The following PLPP3 variants were observed in gnomAD, a reference collection of about 807,000 sequenced individuals.
PLPP3 encodes PAP2 beta.
PLPP3 carries 6 observed loss-of-function variants against 29.6 expected under a neutral mutation model. That is an observed-to-expected ratio of 0.20 (90% CI 0.11 to 0.40). The LOEUF is 0.40. Among genes scored for constraint, PLPP3 ranks in the 10% least tolerant of loss-of-function variants. PLPP3 has a pLI of 1.00. For synonymous variants in PLPP3, 152 were observed against 159.7 expected (o/e 0.95, Z 0.36); for missense variants, 308 against 407.7 (o/e 0.76, Z 2.11).
At chr1:56,501,500 T>G (rs1200712878) in intron 5 of PLPP3, among the ~76,000 whole-genome samples, 1 of 152,144 alleles carries the variant, frequency 6.6e-6, no homozygotes, top group East Asian at 1.9e-4. Context: ...CTTTAAGCAG[T>G]CATGTCCCAT....
At chr1:56,570,226 A>C (rs1172452303) in intron 1 of PLPP3, among the ~76,000 whole-genome samples, 5 of 152,238 alleles carry the variant, frequency 3.3e-5, no homozygotes, top group Admixed American at 3.3e-4. Flanking sequence ...TGGGGGCCAG[A>C]TATAAAGAAA....
intron 1 of PLPP3, among the ~76,000 whole-genome samples, chr1:56,571,893 C>T (rs982877188): frequency 6.6e-5 from 10 of 152,108 alleles, no homozygotes; most frequent in African/African-American, 1.7e-4. Flanking sequence ...CTCTGAGCTA[C>T]AGTTCCCTCT....
At chr1:56,517,196 T>C (rs1410365726) in intron 4 of PLPP3, among the ~76,000 whole-genome samples, 1 of 152,212 alleles carries the variant, frequency 6.6e-6, no homozygotes, top group Non-Finnish European at 1.5e-5. Context: ...CTGCCTACCC[T>C]CTTCCTGGAA....
chr1:56,549,712 G>T (rs750511306), intron 1 of PLPP3, among the ~76,000 whole-genome samples: 1 of 152,180 alleles, frequency 6.6e-6, no homozygotes, highest in Admixed American at 6.5e-5. Flanking sequence ...CAGACTGGCT[G>T]AGTAGAGACC....
At chr1:56,561,149 G>A (rs1646125433) in intron 1 of PLPP3, among the ~76,000 whole-genome samples, 1 of 151,560 alleles carries the variant, frequency 6.6e-6, no homozygotes, top group Non-Finnish European at 1.5e-5. Flanking sequence ...ACCCGGCCCA[G>A]AGCCCTCTTT....
At chr1:56,527,927 A>G (rs1645862389) in intron 2 of PLPP3, among the ~76,000 whole-genome samples, 2 of 151,974 alleles carry the variant, frequency 1.3e-5, no homozygotes, top group South Asian at 4.1e-4. Flanking sequence ...ATTACTCACA[A>G]TGTTTTTATT....
rs1020228296 is a variant in PLPP3, at chr1:56,555,803, T to G, written c.140-18691A>C. Reference sequence around the variant, plus strand: ...GGGATTACAGGTGTGAGCCACATATTTTAAATTCAATAAAAAGTTTTAGGT... The same window carrying G: ...GGGATTACAGGTGTGAGCCACATATGTTAAATTCAATAAAAAGTTTTAGGT... On this transcript the variant is annotated intron_variant, in intron 1 of 5. Coordinates refer to ENST00000371250, the MANE Select transcript of PLPP3 (RefSeq NM_003713.5). Among the ~76,000 whole-genome samples, 7 of 152,160 alleles carry G rather than the reference T, an allele frequency of 4.6e-5. 1 individual carries two copies. The highest frequency in any genetic ancestry group is 1.5e-5 in the Non-Finnish European group (1 of 68,038).
intron 2 of PLPP3, among the ~76,000 whole-genome samples, chr1:56,536,605 A>C: frequency 6.6e-6 from 1 of 152,208 alleles, no homozygotes; most frequent in East Asian, 1.9e-4. Context: ...AAGATAAGCT[A>C]ACTGCCTATC....
At chr1:56,504,471 C>T (rs578246830) in intron 5 of PLPP3, among the ~76,000 whole-genome samples, 1 of 152,118 alleles carries the variant, frequency 6.6e-6, no homozygotes, top group African/African-American at 2.4e-5. Context: ...AGCTTAGGAA[C>T]ATAGTACCCA....
chr1:56,565,688 T>C (rs1044818708), intron 1 of PLPP3, among the ~76,000 whole-genome samples: 6 of 152,188 alleles, frequency 3.9e-5, no homozygotes, highest in African/African-American at 1.4e-4. Flanking sequence ...CCCAAAGTGC[T>C]GGGATTACAG....
chr1:56,543,252 TA>T lies in PLPP3; in HGVS notation c.140-6141del, dbSNP rs1265464319. Among the ~76,000 whole-genome samples the T allele has an allele frequency of 2.6e-5, 4 of 152,296 alleles. No individual in the cohort carries two copies. The East Asian group carries it at 7.7e-4, about 29-fold the overall frequency. ...TTTAGACTTTAGGAATTGATTAATT[TA>T]ATCTCCACGATAGCTATGAAACGTT... On this transcript the variant is annotated intron_variant, in intron 1 of 5. Transcript: ENST00000371250.
intron 2 of PLPP3, among the ~76,000 whole-genome samples, chr1:56,527,412 T>G (rs986355474): frequency 1.3e-5 from 2 of 152,176 alleles, no homozygotes; most frequent in African/African-American, 4.8e-5. Context: ...TTCTGAAGGA[T>G]TTGAGGCCAG....
chr1:56,565,257 G>T (rs1646153761), intron 1 of PLPP3, among the ~76,000 whole-genome samples: 1 of 152,206 alleles, frequency 6.6e-6, no homozygotes, highest in South Asian at 2.1e-4. Context: ...TGAAGGAGCT[G>T]CATCCGCAGC....
At chr1:56,538,013 C>T (rs552683701) in intron 1 of PLPP3, among the ~76,000 whole-genome samples, 1 of 152,306 alleles carries the variant, frequency 6.6e-6, no homozygotes, top group East Asian at 1.9e-4. Flanking sequence ...CTGGATGCTA[C>T]AAGAGCCTCC....
chr1:56,540,495 G>A (rs1468235432), intron 1 of PLPP3, among the ~76,000 whole-genome samples: 1 of 152,128 alleles, frequency 6.6e-6, no homozygotes, highest in Non-Finnish European at 1.5e-5. Flanking sequence ...TCAGTCCTTT[G>A]CCCACTTTTA....
chr1:56,556,982 GAA>G lies in PLPP3; in HGVS notation c.140-19872_140-19871del, dbSNP rs1292392860. Among the ~76,000 whole-genome samples, 21 of 5,706 alleles carry G rather than the reference GAA, an allele frequency of 3.7e-3. 1 individual carries two copies. The highest frequency in any genetic ancestry group is 0.026 in the East Asian group (10 of 384). 3.7% of individuals were successfully genotyped at this position (5,706 alleles called of 152,430 possible). On this transcript the variant is annotated intron_variant, in intron 1 of 5. Transcript: ENST00000371250. ...AGAAAGAAAGAAAGAAAGAAAGAAA[GAA>G]AGAAAGAAAGAAAGAAAGAAAGAAA...
chr1:56,548,639 A>G (rs1379822014), intron 1 of PLPP3, among the ~76,000 whole-genome samples: 2 of 152,188 alleles, frequency 1.3e-5, no homozygotes, highest in Admixed American at 1.3e-4. Flanking sequence ...ACAGAAGTTA[A>G]TAAGATGTGG....
intron 4 of PLPP3, among the ~76,000 whole-genome samples, chr1:56,514,033 G>C (rs1023014703): frequency 8.6e-5 from 13 of 150,376 alleles, no homozygotes; most frequent in African/African-American, 2.9e-4. Flanking sequence ...GTGGTACTAG[G>C]CAAAATAAAT....
chr1:56,518,839 T>G (rs1205678790), intron 4 of PLPP3, among the ~76,000 whole-genome samples: 1 of 151,688 alleles, frequency 6.6e-6, no homozygotes, highest in South Asian at 2.1e-4. Flanking sequence ...CATGAACAAC[T>G]GCACCCAGCC....
Sources: gnomAD v4.1 joint callset for allele counts (sites outside exome capture counted in the v4.1 genomes callset) on GRCh38, gnomAD v4.1.1 for gene constraint, MANE v1.5 for transcripts, NCBI Gene and HGNC (gene_info 2026-07-23, HGNC 2026-07-21) for gene names.